Variants in SSR3 observed in about 807,000 individuals in gnomAD.
The protein encoded by SSR3 is signal sequence receptor subunit 3.
SSR3 carries 10 observed loss-of-function variants against 22.1 expected under a neutral mutation model. The observed-to-expected ratio is 0.45, with a 90% CI of 0.28 to 0.77. The LOEUF (loss-of-function observed/expected upper bound fraction) is 0.77. Among genes scored for constraint, SSR3 ranks in the 30% least tolerant of loss-of-function variants. The pLI is 0.13. For synonymous variants in SSR3, 104 were observed against 82.5 expected (o/e 1.26, Z -1.42); for missense variants, 181 against 220.5 (o/e 0.82, Z 1.13).
Position 156,541,809 on chromosome 3 carries a change from T to C in SSR3, c.*1394A>G, listed in dbSNP as rs1490656194. 1 of 152,184 alleles carries C rather than the reference T, an allele frequency of 6.6e-6. No individual in the cohort carries two copies. Among genetic ancestry groups the C allele is most frequent in the Non-Finnish European group, 1.5e-5 (1 of 68,028 alleles). The allele number at this position is 152,184 out of a possible 1,614,324, so 9.4% of individuals were successfully genotyped here. A position where few individuals can be genotyped will look rare whatever the true frequency, so the allele number is the denominator to read the frequency against. On this transcript the variant is annotated 3_prime_UTR_variant, in exon 5 of 5. Transcript: ENST00000265044. ...AGCAATGATGAAATATAATTCTCAG[T>C]TGCAGAAAATGATGATCTGGGTCAT...
In SSR3 at chr3:156,554,792, G is replaced by A. The variant is rs1214761387; in HGVS notation, c.133+165C>T. 4 of 875,320 alleles carry A rather than the reference G, an allele frequency of 4.6e-6. No homozygotes were observed. In the South Asian group the frequency reaches 5.2e-5, roughly 11 times the overall value. 54.2% of individuals were successfully genotyped at this position (875,320 alleles called of 1,614,324 possible). A position where few individuals can be genotyped will look rare whatever the true frequency, so the allele number is the denominator to read the frequency against. ...CAGGACAATCCCAAGCGACAACACT[G>A]TGCCCAAAGAAGAGGCTCCGTGCCT... is the stretch of plus-strand genomic sequence containing the variant. On this transcript the variant is annotated intron_variant, in intron 1 of 4. Transcript: ENST00000265044.
intron 1 of SSR3, chr3:156,554,255 A>T (rs1274031152): frequency 6.5e-6 from 1 of 152,906 alleles, no homozygotes; most frequent in East Asian, 1.9e-4. Context: ...GGGTTGTATA[A>T]GGACAAAAGA....
intron 2 of SSR3, among the ~76,000 whole-genome samples, chr3:156,549,367 T>C (rs1650267737): frequency 6.6e-6 from 1 of 152,232 alleles, no homozygotes; most frequent in Non-Finnish European, 1.5e-5. Flanking sequence ...AACTAATAAA[T>C]TTCATAAGGC....
rs1219104160 is a variant in SSR3, at chr3:156,553,571, AAACC to A, written c.260+80_260+83del. ...ATATATCTCAAATTAATGCTTATTA[AAACC>A]AACACACACAAATGATCTTTAAGAA... On this transcript the variant is annotated intron_variant, in intron 2 of 4. Coordinates refer to ENST00000265044, the MANE Select transcript of SSR3 (RefSeq NM_007107.5). 12 of 1,408,630 alleles carry A rather than the reference AAACC, an allele frequency of 8.5e-6. No individual in the cohort carries two copies. The African/African-American group carries it at 1.5e-4, about 17-fold the overall frequency. The allele number at this position is 1,408,630 out of a possible 1,614,324, so 87.3% of individuals were successfully genotyped here.
Position 156,540,605 on chromosome 3 carries a change from CAAAAAAAAAAAAAA to C in SSR3, c.*2584_*2597del, listed in dbSNP as rs751040914. On this transcript the variant is annotated 3_prime_UTR_variant, in exon 5 of 5. Transcript: ENST00000265044. ...TGGGTGACAGAGCGAGACGCTGTCT[CAAAAAAAAAAAAAA>C]AAAAAAAAGAATATCAATCCAAGAT... 1 of 71,862 alleles carries C rather than the reference CAAAAAAAAAAAAAA, an allele frequency of 1.4e-5. No homozygotes were observed. Among genetic ancestry groups the C allele is most frequent in the African/African-American group, 5.8e-5 (1 of 17,268 alleles). 4.5% of individuals were successfully genotyped at this position (71,862 alleles called of 1,614,324 possible). A position where few individuals can be genotyped will look rare whatever the true frequency, so the allele number is the denominator to read the frequency against.
intron 2 of SSR3, among the ~76,000 whole-genome samples, chr3:156,551,095 T>C (rs867608923): frequency 6.6e-6 from 1 of 152,150 alleles, no homozygotes; most frequent in African/African-American, 2.4e-5. Context: ...TCTGTAGGCA[T>C]TTCAAAGTCA....
At chr3:156,554,816 C>T in intron 1 of SSR3, 141 bp downstream of exon 1, 2 of 1,124,708 alleles carry the variant, frequency 1.8e-6, no homozygotes, top group Non-Finnish European at 2.5e-6. Flanking sequence ...GGCTCCGTGC[C>T]TCCCCGAGCT....
chr3:156,552,070 G>T (rs933959494), intron 2 of SSR3, among the ~76,000 whole-genome samples: 1 of 152,140 alleles, frequency 6.6e-6, no homozygotes, highest in Non-Finnish European at 1.5e-5. Context: ...GGAGACCGAG[G>T]CAGACGGATC....
chr3:156,553,521 T>G, intron 2 of SSR3, 134 bp downstream of exon 2: 1 of 899,392 alleles, frequency 1.1e-6, no homozygotes, highest in Non-Finnish European at 1.6e-6. Flanking sequence ...TCAATGTTCC[T>G]TTCCCCCAAA....
At chr3:156,546,514 T>C (rs1018241361) in intron 3 of SSR3, among the ~76,000 whole-genome samples, 2 of 152,210 alleles carry the variant, frequency 1.3e-5, no homozygotes, top group Non-Finnish European at 2.9e-5. Context: ...CACGTGTTAG[T>C]TACATCAGTG....
Position 156,544,360 on chromosome 3 carries a change from C to T in SSR3, c.439G>A (p.Val147Ile). ...SIFYNNTLFL[V>I]VVIVASFFIL... ...AAGAAGGAAGCAACAATGACCACGA[C>T]CAGGAACAGAGTGTTGTTATAGAAG... is the stretch of plus-strand genomic sequence containing the variant. Residue 147 changes from valine to isoleucine, a missense_variant, in exon 4 of 5, where the codon GTC becomes ATC. Val to Ile is a conservative substitution (Grantham distance 29). Transcript: ENST00000265044. The T allele has an allele frequency of 6.3e-7, 1 of 1,598,312 alleles. No homozygotes were observed. Among genetic ancestry groups the T allele is most frequent in the Non-Finnish European group, 8.5e-7 (1 of 1,172,026 alleles).
rs1367247155 is a variant in SSR3, at chr3:156,540,307, TTAAGAA to T, written c.*2890_*2895del. ...AGGACAACCAGTAAACTTTTATTGC[TTAAGAA>T]TATCAATCTAGGCCGGGCGCGGTGG... On this transcript the variant is annotated 3_prime_UTR_variant, in exon 5 of 5. Transcript: ENST00000265044. The T allele has an allele frequency of 1.3e-5, 2 of 152,132 alleles. No homozygotes were observed. The highest frequency in any genetic ancestry group is 2.9e-5 in the Non-Finnish European group (2 of 68,018). 9.4% of individuals were successfully genotyped at this position (152,132 alleles called of 1,614,324 possible). A position where few individuals can be genotyped will look rare whatever the true frequency, so the allele number is the denominator to read the frequency against.
At chr3:156,546,757 C>T (rs1318085532) in intron 3 of SSR3, among the ~76,000 whole-genome samples, 1 of 152,196 alleles carries the variant, frequency 6.6e-6, no homozygotes, top group Non-Finnish European at 1.5e-5. Context: ...GACCAAGCAA[C>T]TGTTAAATGA....
rs747277646 is a variant in SSR3, at chr3:156,554,967, G to A, written c.123C>T (p.Ala41=). 1.9e-6 allele frequency: 3 copies of A among 1,613,618 alleles called. No individual in the cohort carries two copies. Among genetic ancestry groups the A allele is most frequent in the East Asian group, 4.5e-5 (2 of 44,886 alleles). Residue 41 remains alanine, a synonymous_variant, in exon 1 of 5, where the codon GCC becomes GCT. Transcript: ENST00000265044. ...LFFGNAFIVS[A]IPIWLYWRIW... is the part of the protein sequence containing the mutation. ...GCTCCCAGCACTCACAGATGGGGATGGCAGACACGATGAACGCGTTTCCGA... is the reference window on the plus strand; with the variant it reads ...GCTCCCAGCACTCACAGATGGGGATAGCAGACACGATGAACGCGTTTCCGA...
chr3:156,547,325 C>T (rs932517113), intron 3 of SSR3, among the ~76,000 whole-genome samples: 1 of 152,182 alleles, frequency 6.6e-6, no homozygotes, highest in Non-Finnish European at 1.5e-5. Context: ...GGATCAAGAA[C>T]AAGTGCCAGA....
intron 3 of SSR3, among the ~76,000 whole-genome samples, chr3:156,545,056 TG>T (rs1719712284): frequency 6.6e-6 from 1 of 152,262 alleles, no homozygotes; most frequent in African/African-American, 2.4e-5. Flanking sequence ...ATTAATTTAC[TG>T]GTATTTCATC....
At chr3:156,549,936 CT>C (rs1408376598) in intron 2 of SSR3, among the ~76,000 whole-genome samples, 1 of 152,110 alleles carries the variant, frequency 6.6e-6, no homozygotes, top group Non-Finnish European at 1.5e-5. Context: ...CTAAAATGAA[CT>C]TTTTACTCCG....
Position 156,542,529 on chromosome 3 carries a change from A to G in SSR3, c.*674T>C, listed in dbSNP as rs542094524. ...GACCTCCCTGGCCACTCAGGGCCAA[A>G]GCCATACAGTGGAACAGTGTGTTCT... On this transcript the variant is annotated 3_prime_UTR_variant, in exon 5 of 5. Transcript: ENST00000265044. The G allele has an allele frequency of 6.6e-6, 1 of 152,360 alleles. No homozygotes were observed. The highest frequency in any genetic ancestry group is 2.4e-5 in the African/African-American group (1 of 41,584). The allele number at this position is 152,360 out of a possible 1,614,324, so 9.4% of individuals were successfully genotyped here.
At chr3:156,548,435 G>C (rs964974631) in intron 3 of SSR3, among the ~76,000 whole-genome samples, 1 of 152,226 alleles carries the variant, frequency 6.6e-6, no homozygotes, top group Non-Finnish European at 1.5e-5. Flanking sequence ...TTCAGACCCA[G>C]AGGGGTTAGG....
Sources: allele counts gnomAD v4.1 joint callset (sites outside exome capture counted in the v4.1 genomes callset), GRCh38; gene constraint gnomAD v4.1.1; transcripts MANE v1.5; gene names NCBI Gene and HGNC (gene_info 2026-07-23, HGNC 2026-07-21).